Variants in TTC17 observed in about 807,000 individuals in gnomAD.
TTC17 encodes tetratricopeptide repeat protein 17.
TTC17 carries 58 observed loss-of-function variants against 143.8 expected under a neutral mutation model. That is an observed-to-expected ratio of 0.40 (90% confidence interval 0.33 to 0.50). TTC17 has a LOEUF of 0.50. Ranked by LOEUF, TTC17 falls within the 20% of genes least tolerant of loss-of-function variation. The pLI is 0.49. For missense variants in TTC17, 1,273 were observed against 1,392.5 expected, an observed-to-expected ratio of 0.91 and a Z score of 1.37; for synonymous variants, 501 against 497.8, an observed-to-expected ratio of 1.01 and a Z score of -0.09.
At chr11:43,468,953 T>G (rs926723797) in intron 21 of TTC17, among the ~76,000 whole-genome samples, 18 of 152,082 alleles carry the variant, frequency 1.2e-4, no homozygotes, top group African/African-American at 4.3e-4. Flanking sequence ...GACACAGACT[T>G]AAAGAAAATA....
In TTC17 at chr11:43,405,787, A is replaced by G; in HGVS notation, c.1597A>G (p.Ile533Val). ...FLPPENKGLR[I>V]HELSSDDYST... ...TCTTGTTCCTTTTTCTTGTGCCAGGATCCACGAACTCAGCAGTGATGATTA... is the reference window on the plus strand; with the variant it reads ...TCTTGTTCCTTTTTCTTGTGCCAGGGTCCACGAACTCAGCAGTGATGATTA... The change falls in exon 13 of 24, where the codon ATC (isoleucine) becomes GTC (valine). Residue 533 changes from isoleucine to valine, a missense_variant and splice_region_variant. Transcript: ENST00000039989. The G allele has an allele frequency of 6.2e-7, 1 of 1,613,498 alleles. No homozygotes were observed. Among genetic ancestry groups the G allele is most frequent in the Non-Finnish European group, 8.5e-7 (1 of 1,179,810 alleles).
intron 21 of TTC17, among the ~76,000 whole-genome samples, chr11:43,481,681 A>G (rs944341522): frequency 6.6e-6 from 1 of 152,094 alleles, no homozygotes; most frequent in Non-Finnish European, 1.5e-5. Flanking sequence ...TTATTTTCTT[A>G]TCATCCTTTT....
At chr11:43,450,861 GGTT>G (rs1226654614) in intron 20 of TTC17, among the ~76,000 whole-genome samples, 1 of 152,090 alleles carries the variant, frequency 6.6e-6, no homozygotes, top group Non-Finnish European at 1.5e-5. Flanking sequence ...TATTAAAAGT[GGTT>G]GTTAATACCT....
intron 1 of TTC17, among the ~76,000 whole-genome samples, chr11:43,375,700 G>A (rs1433926152): frequency 6.6e-6 from 1 of 151,384 alleles, no homozygotes; most frequent in African/African-American, 2.4e-5. Context: ...TTGCACATGA[G>A]AGCTTGAATT....
At position 43,396,831 on chromosome 11, in the gene TTC17, C is replaced by T. The variant is rs753792306; in HGVS notation, c.773+13C>T. ...ACTTCTCTTCCAGGTAAGATTCCTC[C>T]TCTTCTGGACCTGATTTTCCACATT... On this transcript the variant is annotated intron_variant, in intron 6 of 23. Coordinates refer to ENST00000039989, the MANE Select transcript of TTC17 (RefSeq NM_018259.6). 7 of 1,536,546 alleles carry T rather than the reference C, an allele frequency of 4.6e-6. No individual in the cohort carries two copies. The highest frequency in any genetic ancestry group is 5.4e-6 in the Non-Finnish European group (6 of 1,115,402).
intron 21 of TTC17, among the ~76,000 whole-genome samples, chr11:43,476,501 T>C (rs1006880059): frequency 1.3e-5 from 2 of 152,194 alleles, no homozygotes; most frequent in African/African-American, 4.8e-5. Context: ...TAATTGGACT[T>C]TCCGTACATC....
Position 43,396,757 on chromosome 11 carries a change from A to G in TTC17, c.712A>G (p.Ile238Val), listed in dbSNP as rs763508294. 1.9e-6 allele frequency: 3 copies of G among 1,610,448 alleles called. No individual in the cohort carries two copies. The Admixed American group carries it at 5.0e-5, about 27-fold the overall frequency. Residue 238 changes from isoleucine (I) to valine (V), a missense_variant, in exon 6 of 24, where the codon ATT becomes GTT. By Grantham distance (29) the Ile-to-Val change is conservative. Transcript: ENST00000039989. ...TAACATGGCTTCATTTTACTGGAGAATTAAGAATGAGCCATATCAGGTAGT... is the reference window on the plus strand; with the variant it reads ...TAACATGGCTTCATTTTACTGGAGAGTTAAGAATGAGCCATATCAGGTAGT... The part of the protein sequence containing the change: ...LYNMASFYWR[I>V]KNEPYQVVEC...
At chr11:43,403,436 A>ATATC (rs1479810629) in intron 10 of TTC17, among the ~76,000 whole-genome samples, 3 of 152,174 alleles carry the variant, frequency 2.0e-5, no homozygotes, top group Non-Finnish European at 4.4e-5. Flanking sequence ...CTTTGTAAGT[A>ATATC]TATCCAACAT....
At chr11:43,431,203 T>C (rs1009935993) in intron 16 of TTC17, among the ~76,000 whole-genome samples, 32 of 152,346 alleles carry the variant, frequency 2.1e-4, no homozygotes, top group African/African-American at 7.2e-4. Flanking sequence ...TCCATGTCTT[T>C]GCTGTTGTGA....
intron 2 of TTC17, among the ~76,000 whole-genome samples, chr11:43,388,531 T>C (rs980766924): frequency 6.6e-5 from 10 of 151,834 alleles, no homozygotes; most frequent in Non-Finnish European, 1.5e-4. Flanking sequence ...ACTCCCTTTT[T>C]TTTTTTCTTT....
chr11:43,431,411 T>A (rs746929049), intron 16 of TTC17, among the ~76,000 whole-genome samples: 3 of 152,208 alleles, frequency 2.0e-5, no homozygotes, highest in Non-Finnish European at 4.4e-5. Context: ...CGTTCCTATT[T>A]CTCCACATCC....
chr11:43,407,675 C>T, intron 15 of TTC17, 98 bp downstream of exon 15: 1 of 1,179,570 alleles, frequency 8.5e-7, no homozygotes, highest in Non-Finnish European at 1.2e-6. Context: ...TAAAAAATGT[C>T]ATGTTTTGTC....
At chr11:43,379,044 C>T in intron 1 of TTC17, 189 bp from the exon 2 acceptor site, 1 of 571,524 alleles carries the variant, frequency 1.7e-6, no homozygotes, top group Non-Finnish European at 3.0e-6. Flanking sequence ...CACAGGACAA[C>T]TGTTGCACTT....
chr11:43,376,575 T>C (rs1359068517), intron 1 of TTC17, among the ~76,000 whole-genome samples: 1 of 152,192 alleles, frequency 6.6e-6, no homozygotes, highest in Admixed American at 6.5e-5. Flanking sequence ...AACCTACCTC[T>C]CTGTAATTCC....
chr11:43,484,311 A>T (rs1458572692), intron 21 of TTC17, among the ~76,000 whole-genome samples: 1 of 152,204 alleles, frequency 6.6e-6, no homozygotes, highest in Non-Finnish European at 1.5e-5. Context: ...AAAAAGTTGC[A>T]TTTCTGTACA....
In TTC17 at chr11:43,492,021, A is replaced by C; in HGVS notation, c.3152A>C (p.Asp1051Ala). The C allele has an allele frequency of 6.2e-7, 1 of 1,613,502 alleles. No individual in the cohort carries two copies. Among genetic ancestry groups the C allele is most frequent in the Non-Finnish European group, 8.5e-7 (1 of 1,179,774 alleles). The change falls in exon 23 of 24, where the codon GAT becomes GCT. Residue 1051 changes from aspartate to alanine, a missense_variant and splice_region_variant. Asp to Ala is a moderately radical substitution (Grantham distance 126). Coordinates refer to ENST00000039989, the MANE Select transcript of TTC17 (RefSeq NM_018259.6). Reference protein sequence around the residue: ...ALHYAPHQMKDVPLISLANIL... With the variant: ...ALHYAPHQMKAVPLISLANIL... ...TCACCATTCTCCTTCTTCTCCCAGG[A>C]TGTGCCCCTGATTAGCCTGGCCAAC...
At chr11:43,459,623 T>C (rs1947826826) in intron 21 of TTC17, among the ~76,000 whole-genome samples, 2 of 152,236 alleles carry the variant, frequency 1.3e-5, no homozygotes, top group African/African-American at 2.4e-5. Context: ...TATATGTCTT[T>C]TGTCTACCTG....
chr11:43,415,712 C>A (rs765554832), intron 16 of TTC17, among the ~76,000 whole-genome samples: 1 of 152,124 alleles, frequency 6.6e-6, no homozygotes, highest in African/African-American at 2.4e-5. Context: ...ATTCGCTATA[C>A]CAGACTGCCT....
At chr11:43,429,638 G>A (rs1947108312) in intron 16 of TTC17, among the ~76,000 whole-genome samples, 1 of 152,180 alleles carries the variant, frequency 6.6e-6, no homozygotes, top group Non-Finnish European at 1.5e-5. Flanking sequence ...TTATTAGGTA[G>A]CTTAAATTAT....
Sources: gnomAD v4.1 joint callset for allele counts (sites outside exome capture counted in the v4.1 genomes callset) on GRCh38, gnomAD v4.1.1 for gene constraint, MANE v1.5 for transcripts, NCBI Gene and HGNC (gene_info 2026-07-23, HGNC 2026-07-21) for gene names.